Variants in SAMD12 observed in about 807,000 individuals in gnomAD.
SAMD12 encodes the protein sterile alpha motif domain containing 12.
In SAMD12, 9 loss-of-function variants were observed where a neutral mutation model predicts 15.0. The observed-to-expected ratio is 0.60, with a 90% CI of 0.36 to 1.05. The LOEUF is 1.05. Among genes scored for constraint, SAMD12 ranks in the 50% least tolerant of loss-of-function variants. The pLI is 0.01. For synonymous variants in SAMD12, 86 were observed against 90.1 expected (o/e 0.96, Z 0.25); for missense variants, 230 against 234.2 (o/e 0.98, Z 0.12).
intron 4 of SAMD12, among the ~76,000 whole-genome samples, chr8:118,277,672 TTC>T (rs1300254928): frequency 6.6e-6 from 1 of 152,192 alleles, no homozygotes; most frequent in African/African-American, 2.4e-5. Flanking sequence ...AAAAAATACT[TTC>T]TGTCCATTAT....
At chr8:118,346,647 C>A (rs924716788) in intron 4 of SAMD12, among the ~76,000 whole-genome samples, 1 of 152,078 alleles carries the variant, frequency 6.6e-6, no homozygotes, top group Admixed American at 6.6e-5. Context: ...CCAGGTTCTG[C>A]GATTCACTAG....
At chr8:118,490,849 C>A (rs905020113) in intron 2 of SAMD12, among the ~76,000 whole-genome samples, 1 of 151,900 alleles carries the variant, frequency 6.6e-6, no homozygotes, top group African/African-American at 2.4e-5. Flanking sequence ...CACGGTTACA[C>A]AGAGCTGCAA....
the SAMD12 span, among the ~76,000 whole-genome samples, chr8:118,132,960 A>ATGTG: frequency 1.1e-3 from 88 of 80,856 alleles, 2 homozygotes; most frequent in Middle Eastern, 5.7e-3. Flanking sequence ...TAGCTAACAT[A>ATGTG]TGTGTGTGTG....
intron 2 of SAMD12, among the ~76,000 whole-genome samples, chr8:118,446,235 G>A (rs537866682): frequency 1.9e-4 from 28 of 149,334 alleles, no homozygotes; most frequent in Admixed American, 1.5e-3. Context: ...AAGGAGATAA[G>A]ACTAGAGGAT....
intron 2 of SAMD12, among the ~76,000 whole-genome samples, chr8:118,462,075 G>A (rs774787989): frequency 1.5e-4 from 23 of 152,076 alleles, no homozygotes; most frequent in African/African-American, 4.6e-4. Flanking sequence ...TTGGGTACAT[G>A]GCATTAAATG....
chr8:118,603,213 CAAAT>C (rs1481247333), intron 1 of SAMD12, among the ~76,000 whole-genome samples: 12 of 152,106 alleles, frequency 7.9e-5, no homozygotes, highest in Non-Finnish European at 1.0e-4. Context: ...AAAAGAAAAT[CAAAT>C]AAATAATTCA....
intron 1 of SAMD12, among the ~76,000 whole-genome samples, chr8:118,595,415 T>G (rs968308614): frequency 6.6e-6 from 1 of 152,184 alleles, no homozygotes; most frequent in Non-Finnish European, 1.5e-5. Flanking sequence ...TTTATGGTGG[T>G]GTAAATTATT....
intron 2 of SAMD12, among the ~76,000 whole-genome samples, chr8:118,486,414 T>C (rs371353955): frequency 8.9e-6 from 1 of 112,796 alleles, no homozygotes; most frequent in Admixed American, 8.7e-5. Context: ...AGAATCCGTC[T>C]AAAAAAAAAA....
chr8:118,544,885 G>C (rs1250097206), intron 2 of SAMD12, among the ~76,000 whole-genome samples: 1 of 152,214 alleles, frequency 6.6e-6, no homozygotes, highest in Admixed American at 6.5e-5. Flanking sequence ...GCCAGGCATT[G>C]TGCTAGGTGC....
chr8:118,557,843 T>C (rs1408139349), intron 2 of SAMD12, among the ~76,000 whole-genome samples: 2 of 152,188 alleles, frequency 1.3e-5, no homozygotes, highest in East Asian at 3.9e-4. Flanking sequence ...TCTATTTATA[T>C]ACACTCATAT....
chr8:118,425,042 T>A lies in SAMD12; in HGVS notation c.322+14790A>T, dbSNP rs528031470. On this transcript the variant is annotated intron_variant, in intron 3 of 3. Transcript: ENST00000314727. Reference sequence around the variant, plus strand: ...CAAGCTCTGCCTCCTGGGTTCACGCTATTCTCCTGCCTCAGCCTCCTGAGT... The same window carrying A: ...CAAGCTCTGCCTCCTGGGTTCACGCAATTCTCCTGCCTCAGCCTCCTGAGT... 2.6e-4 allele frequency among the ~76,000 whole-genome samples: 40 copies of A among 151,572 alleles called. 1 individual carries two copies. The South Asian group carries it at 8.1e-3, about 31-fold the overall frequency.
chr8:118,338,060 C>A lies in SAMD12; in HGVS notation c.433+41500G>T, dbSNP rs566730068. On this transcript the variant is annotated intron_variant, in intron 4 of 4. Transcript: ENST00000409003. ...TACTGTACAGCTTTTACTCACTTAA[C>A]AATGTAGCACCTATCTAAAGACAGA... 5.9e-5 allele frequency among the ~76,000 whole-genome samples: 9 copies of A among 152,280 alleles called. No homozygotes were observed. In the South Asian group the frequency reaches 1.9e-3, roughly 32 times the overall value.
At chr8:118,178,210 A>G in the SAMD12 span, among the ~76,000 whole-genome samples, 1 of 152,256 alleles carries the variant, frequency 6.6e-6, no homozygotes, top group Non-Finnish European at 1.5e-5. Flanking sequence ...AGTGTAGTTA[A>G]AACCTAAATT....
chr8:118,142,181 G>T, the SAMD12 span, among the ~76,000 whole-genome samples: 2 of 152,154 alleles, frequency 1.3e-5, no homozygotes, highest in African/African-American at 2.4e-5. Flanking sequence ...TGAACCTCTT[G>T]TTTCCAGTGC....
rs541988258 is a variant in SAMD12 at position 118,552,099 on chromosome 8, C to T, written c.192+28616G>A. ...TCACAGCCGAATTCTACCAGAGGTACGAGGAGGAACTGGTACCATTCCCTC... is the reference window on the plus strand; with the variant it reads ...TCACAGCCGAATTCTACCAGAGGTATGAGGAGGAACTGGTACCATTCCCTC... On this transcript the variant is annotated intron_variant, in intron 2 of 3. Coordinates refer to ENST00000314727, the MANE Select transcript of SAMD12 (RefSeq NM_207506.3). Among the ~76,000 whole-genome samples, 168 of 152,188 alleles carry T rather than the reference C, an allele frequency of 1.1e-3. 1 individual carries two copies. The highest frequency in any genetic ancestry group is 3.0e-3 in the African/African-American group (124 of 41,492).
At chr8:118,369,578 T>TGGTGGTGGGCAC (rs1425856731) in intron 4 of SAMD12, among the ~76,000 whole-genome samples, 14 of 152,148 alleles carry the variant, frequency 9.2e-5, no homozygotes, top group Non-Finnish European at 1.5e-4. Context: ...TAGCTGGGCA[T>TGGTGGTGGGCAC]GGTGGTGGGC....
At chr8:118,616,207 C>G (rs537325350) in intron 1 of SAMD12, among the ~76,000 whole-genome samples, 1 of 152,216 alleles carries the variant, frequency 6.6e-6, no homozygotes, top group Non-Finnish European at 1.5e-5. Context: ...ACTTGTCCAT[C>G]GTCTCACTGC....
intron 1 of SAMD12, among the ~76,000 whole-genome samples, chr8:118,584,922 TACAC>T (rs141290440): frequency 0.089 from 13,137 of 146,948 alleles, 591 homozygotes; most frequent in South Asian, 0.15. Context: ...CTTGTAGGTA[TACAC>T]ACACACACAC....
At chr8:118,472,773 G>T (rs892211155) in intron 2 of SAMD12, among the ~76,000 whole-genome samples, 2 of 124,694 alleles carry the variant, frequency 1.6e-5, no homozygotes, top group Non-Finnish European at 3.8e-5. Flanking sequence ...AAAGTGGCTG[G>T]TTACAGTAAA....
Sources: allele counts gnomAD v4.1 joint callset (sites outside exome capture counted in the v4.1 genomes callset), GRCh38; gene constraint gnomAD v4.1.1; transcripts MANE v1.5; gene names NCBI Gene and HGNC (gene_info 2026-07-23, HGNC 2026-07-21).